The following FER variants were observed in gnomAD, a reference collection of about 807,000 sequenced individuals.
FER encodes the protein FER tyrosine kinase.
FER carries 63 observed loss-of-function variants against 111.0 expected under a neutral mutation model. The observed-to-expected ratio is 0.57, with a 90% confidence interval of 0.46 to 0.70. FER has a LOEUF of 0.70. Among genes scored for constraint, FER ranks in the 30% least tolerant of loss-of-function variants. The pLI is 0.00. For missense variants in FER, 914 were observed against 954.0 expected, an observed-to-expected ratio of 0.96 and a Z score of 0.55; for synonymous variants, 327 against 313.9, an observed-to-expected ratio of 1.04 and a Z score of -0.44.
chr5:108,810,370 A>C (rs1425703650), intron 3 of FER, among the ~76,000 whole-genome samples: 1 of 152,164 alleles, frequency 6.6e-6, no homozygotes, highest in African/African-American at 2.4e-5. Flanking sequence ...TGTAGTGCAC[A>C]GTGGTCTGAT....
intron 10 of FER, among the ~76,000 whole-genome samples, chr5:108,931,933 G>T (rs1368022088): frequency 6.6e-6 from 1 of 151,958 alleles, no homozygotes; most frequent in Non-Finnish European, 1.5e-5. Context: ...AGGAGGTAGA[G>T]GCCCTCCATC....
intron 2 of FER, among the ~76,000 whole-genome samples, chr5:108,771,508 A>T (rs957654040): frequency 2.0e-5 from 3 of 152,096 alleles, no homozygotes; most frequent in African/African-American, 7.2e-5. Flanking sequence ...CCTGCCCAAG[A>T]TCATGTAGCT....
intron 10 of FER, among the ~76,000 whole-genome samples, chr5:108,927,130 T>C (rs940782919): frequency 6.6e-6 from 1 of 152,092 alleles, no homozygotes. Flanking sequence ...AATACACTTT[T>C]CCATCTTGTA....
At chr5:109,032,819 A>G (rs772936377) in intron 13 of FER, among the ~76,000 whole-genome samples, 1 of 152,230 alleles carries the variant, frequency 6.6e-6, no homozygotes. Context: ...AAATAAGAGA[A>G]TTGATAAATA....
chr5:108,832,319 C>G (rs1345406302), intron 3 of FER, among the ~76,000 whole-genome samples: 2 of 152,122 alleles, frequency 1.3e-5, no homozygotes, highest in African/African-American at 4.8e-5. Context: ...AAGACAGTTT[C>G]AGAGTGAAGT....
intron 13 of FER, among the ~76,000 whole-genome samples, chr5:108,991,603 C>T (rs899282863): frequency 2.0e-5 from 3 of 152,164 alleles, no homozygotes; most frequent in African/African-American, 7.2e-5. Flanking sequence ...TTTATAATCA[C>T]AAGCAGATAA....
intron 17 of FER, among the ~76,000 whole-genome samples, chr5:109,134,613 C>T (rs150036192): frequency 4.9e-4 from 74 of 152,238 alleles, no homozygotes; most frequent in Admixed American, 1.1e-3. Context: ...CCACTACAAC[C>T]AGCTAGTGAC....
chr5:109,003,904 C>T (rs901551558), intron 13 of FER, among the ~76,000 whole-genome samples: 3 of 152,092 alleles, frequency 2.0e-5, no homozygotes, highest in Non-Finnish European at 4.4e-5. Flanking sequence ...CACTTAAGCC[C>T]AGGGGGTTGA....
intron 17 of FER, among the ~76,000 whole-genome samples, chr5:109,164,412 C>A (rs1255613772): frequency 1.3e-5 from 2 of 152,098 alleles, no homozygotes; most frequent in African/African-American, 4.8e-5. Context: ...AGAAGGAGGT[C>A]CTCTGGTCCT....
chr5:108,953,972 A>C (rs1452511382), intron 11 of FER, among the ~76,000 whole-genome samples: 3 of 152,122 alleles, frequency 2.0e-5, no homozygotes, highest in African/African-American at 7.2e-5. Flanking sequence ...ATTTCAAGGA[A>C]ATACAATCAT....
chr5:108,984,974 A>G lies in FER; in HGVS notation c.1656+25627A>G, dbSNP rs1030962897. On this transcript the variant is annotated intron_variant, in intron 13 of 19. Transcript: ENST00000281092. ...GGTTAGAAAACCCACAGAAAATAAAAAAGGTTAATGTTAGCAATTTTGAGT... is the reference window on the plus strand; with the variant it reads ...GGTTAGAAAACCCACAGAAAATAAAGAAGGTTAATGTTAGCAATTTTGAGT... 2.6e-5 allele frequency among the ~76,000 whole-genome samples: 4 copies of G among 152,142 alleles called. No homozygotes were observed. The East Asian group carries it at 7.7e-4, about 29-fold the overall frequency.
chr5:109,157,096 A>G (rs1047315898), intron 17 of FER, among the ~76,000 whole-genome samples: 27 of 152,144 alleles, frequency 1.8e-4, no homozygotes, highest in African/African-American at 6.3e-4. Flanking sequence ...CTGCCAAGCT[A>G]TGTGGATTTC....
chr5:109,023,517 C>T (rs1259646436), intron 13 of FER, among the ~76,000 whole-genome samples: 4 of 152,068 alleles, frequency 2.6e-5, no homozygotes, highest in Non-Finnish European at 4.4e-5. Context: ...GCCTTAGTTC[C>T]AGTTGTGCCT....
chr5:109,155,735 A>G (rs1470371363), intron 17 of FER, among the ~76,000 whole-genome samples: 2 of 152,010 alleles, frequency 1.3e-5, no homozygotes, highest in East Asian at 3.8e-4. Flanking sequence ...GAAATGGATG[A>G]TAAAATAGAT....
intron 16 of FER, among the ~76,000 whole-genome samples, chr5:109,056,014 A>G (rs1256542998): frequency 1.3e-5 from 2 of 152,232 alleles, no homozygotes; most frequent in African/African-American, 2.4e-5. Context: ...ATGCAAATGA[A>G]AACCACTGTG....
At chr5:109,008,442 G>C (rs990950049) in intron 13 of FER, among the ~76,000 whole-genome samples, 1 of 152,086 alleles carries the variant, frequency 6.6e-6, no homozygotes, top group Non-Finnish European at 1.5e-5. Context: ...AGAACCTGAA[G>C]AAGAAACACT....
chr5:108,821,907 T>C (rs913618831), intron 3 of FER, among the ~76,000 whole-genome samples: 31 of 152,110 alleles, frequency 2.0e-4, no homozygotes, highest in Non-Finnish European at 4.1e-4. Context: ...GTATAATAAA[T>C]TATTATTAAC....
intron 13 of FER, among the ~76,000 whole-genome samples, chr5:109,030,871 G>A (rs767258395): frequency 2.0e-4 from 30 of 152,098 alleles, no homozygotes; most frequent in Non-Finnish European, 3.7e-4. Flanking sequence ...TACTTCTCTT[G>A]CCAATGCAAC....
chr5:109,141,974 G>T (rs1753569934), intron 17 of FER, among the ~76,000 whole-genome samples: 1 of 152,112 alleles, frequency 6.6e-6, no homozygotes, highest in South Asian at 2.1e-4. Flanking sequence ...TGGACTTCAT[G>T]GCCTGTTCTT....
Sources: allele counts gnomAD v4.1 joint callset (sites outside exome capture counted in the v4.1 genomes callset), GRCh38; gene constraint gnomAD v4.1.1; transcripts MANE v1.5; gene names NCBI Gene and HGNC (gene_info 2026-07-23, HGNC 2026-07-21).